FHIT: variants seen among roughly 807,000 people sequenced by gnomAD.
FHIT encodes fragile histidine triad diadenosine triphosphatase.
A neutral mutation model predicts 17.9 loss-of-function variants in FHIT; 19 were observed. That is an observed-to-expected ratio of 1.06 (90% CI 0.74 to 1.56). The LOEUF is 1.56. Among genes scored for constraint, FHIT ranks in the 40% most tolerant of loss-of-function variants. The pLI is 0.00. For missense variants in FHIT, 248 were observed against 189.2 expected (o/e 1.31, Z -1.82); for synonymous variants, 81 against 69.7 (o/e 1.16, Z -0.81).
chr3:60,547,538 T>C (rs150070224), intron 4 of FHIT, among the ~76,000 whole-genome samples: 3 of 152,310 alleles, frequency 2.0e-5, no homozygotes, highest in African/African-American at 7.2e-5. Flanking sequence ...ACTAAAAATA[T>C]ATGATTTCAA....
chr3:60,453,997 G>C (rs2031921978), intron 5 of FHIT, among the ~76,000 whole-genome samples: 1 of 152,106 alleles, frequency 6.6e-6, no homozygotes, highest in South Asian at 2.1e-4. Context: ...TTGTTCAAGA[G>C]AAGATGCCAT....
chr3:60,477,755 A>G (rs1168526645), intron 5 of FHIT, among the ~76,000 whole-genome samples: 1 of 152,238 alleles, frequency 6.6e-6, no homozygotes, highest in Non-Finnish European at 1.5e-5. Context: ...CTCAGGAATC[A>G]GGTAGAGACC....
chr3:60,441,682 T>C (rs771401508), intron 5 of FHIT, among the ~76,000 whole-genome samples: 122 of 141,162 alleles, frequency 8.6e-4, no homozygotes, highest in Non-Finnish European at 1.6e-3. Context: ...AGAATTGATA[T>C]TTGATGCATC....
chr3:60,514,742 G>A (rs889837747), intron 5 of FHIT, among the ~76,000 whole-genome samples: 7 of 152,098 alleles, frequency 4.6e-5, no homozygotes, highest in African/African-American at 7.2e-5. Context: ...TGCCTCCAAT[G>A]TCAGTAAGAC....
chr3:60,793,063 G>T (rs1700842118), intron 4 of FHIT, among the ~76,000 whole-genome samples: 1 of 152,150 alleles, frequency 6.6e-6, no homozygotes. Context: ...GTGACCATAA[G>T]ACACAGGAAT....
At chr3:60,165,685 G>A (rs939573521) in intron 5 of FHIT, among the ~76,000 whole-genome samples, 14 of 152,120 alleles carry the variant, frequency 9.2e-5, no homozygotes, top group African/African-American at 3.4e-4. Flanking sequence ...TACACCCTCT[G>A]CCTCTTCTCC....
At chr3:59,913,784 T>C (rs1391138742) in intron 8 of FHIT, among the ~76,000 whole-genome samples, 3 of 152,198 alleles carry the variant, frequency 2.0e-5, no homozygotes, top group African/African-American at 4.8e-5. Context: ...AAACATAAGA[T>C]ACTGAGATTT....
Position 59,900,286 on chromosome 3 carries a change from T to C in FHIT, c.348+22060A>G, listed in dbSNP as rs536475419. Among the ~76,000 whole-genome samples the C allele has an allele frequency of 2.1e-4, 32 of 152,156 alleles. 1 individual carries two copies. Among genetic ancestry groups the C allele is most frequent in the Admixed American group, 9.2e-4 (14 of 15,286 alleles). ...GTGAGCCTCTCTTTCCCATGAATGG[T>C]TCCTCCCAGCAGTTGTGCAGGCCTG... is the stretch of plus-strand genomic sequence containing the variant. On this transcript the variant is annotated intron_variant, in intron 8 of 9. Transcript: ENST00000492590.
chr3:60,420,796 T>A (rs762794384), intron 5 of FHIT, among the ~76,000 whole-genome samples: 11 of 152,194 alleles, frequency 7.2e-5, no homozygotes, highest in Non-Finnish European at 1.3e-4. Flanking sequence ...TTCACCTAGC[T>A]CAGTGTTTGC....
chr3:60,950,280 G>A (rs1310781335), intron 3 of FHIT, among the ~76,000 whole-genome samples: 1 of 152,082 alleles, frequency 6.6e-6, no homozygotes, highest in Non-Finnish European at 1.5e-5. Context: ...GTACTATTAA[G>A]GGGGGAAACA....
chr3:60,885,644 C>T (rs781894550), intron 3 of FHIT, among the ~76,000 whole-genome samples: 3 of 152,188 alleles, frequency 2.0e-5, no homozygotes, highest in Admixed American at 6.5e-5. Context: ...TACCTCCTCA[C>T]CAATTATCAA....
chr3:60,157,731 T>C (rs1459200772), intron 5 of FHIT, among the ~76,000 whole-genome samples: 1 of 152,198 alleles, frequency 6.6e-6, no homozygotes, highest in Non-Finnish European at 1.5e-5. Flanking sequence ...TCAAAAATTA[T>C]TCCTGGAATT....
chr3:61,111,541 G>C (rs1003049100), intron 2 of FHIT, among the ~76,000 whole-genome samples: 3 of 152,132 alleles, frequency 2.0e-5, no homozygotes, highest in Admixed American at 2.0e-4. Flanking sequence ...CTGCGTGGAG[G>C]AAAGAATATA....
chr3:61,094,249 G>C (rs2035571720), intron 2 of FHIT, among the ~76,000 whole-genome samples: 1 of 152,124 alleles, frequency 6.6e-6, no homozygotes, highest in South Asian at 2.1e-4. Context: ...AGTTTCTGAA[G>C]ATATCATTGT....
intron 8 of FHIT, among the ~76,000 whole-genome samples, chr3:59,857,058 T>C (rs1003467113): frequency 2.0e-5 from 3 of 152,150 alleles, no homozygotes; most frequent in African/African-American, 7.2e-5. Flanking sequence ...TGGGGTCCTT[T>C]CAAATGTGGA....
chr3:61,101,868 T>C (rs1266263609), intron 2 of FHIT, among the ~76,000 whole-genome samples: 2 of 152,114 alleles, frequency 1.3e-5, no homozygotes, highest in African/African-American at 4.8e-5. Context: ...CTGATAATGG[T>C]GTGTAGGAAT....
chr3:59,855,421 T>C (rs1329453978), intron 8 of FHIT, among the ~76,000 whole-genome samples: 1 of 152,226 alleles, frequency 6.6e-6, no homozygotes, highest in Non-Finnish European at 1.5e-5. Flanking sequence ...ACATGCTTTA[T>C]AATCTAAGCT....
chr3:60,723,072 G>A (rs983096091), intron 4 of FHIT, among the ~76,000 whole-genome samples: 3 of 152,116 alleles, frequency 2.0e-5, no homozygotes, highest in Admixed American at 1.3e-4. Context: ...AAAATCCAGA[G>A]GGCAGACTCC....
At chr3:60,910,010 A>T (rs1012658961) in intron 3 of FHIT, among the ~76,000 whole-genome samples, 1 of 152,220 alleles carries the variant, frequency 6.6e-6, no homozygotes, top group African/African-American at 2.4e-5. Flanking sequence ...GGTGAGAAGC[A>T]TAGAAATGAA....
Sources: gnomAD v4.1 joint callset for allele counts (sites outside exome capture counted in the v4.1 genomes callset) on GRCh38, gnomAD v4.1.1 for gene constraint, MANE v1.5 for transcripts, NCBI Gene and HGNC (gene_info 2026-07-23, HGNC 2026-07-21) for gene names.